ABCA1: variants seen among roughly 807,000 people sequenced by gnomAD.
The protein encoded by ABCA1 is ATP binding cassette subfamily A member 1.
In ABCA1, 133 loss-of-function variants were observed where a neutral mutation model predicts 262.5. The ratio of observed to expected loss-of-function variants is 0.51; its 90% CI spans 0.44 to 0.59. The LOEUF is 0.59. Ranked by LOEUF, ABCA1 falls within the 20% of genes least tolerant of loss-of-function variation. ABCA1 has a pLI of 0.00. For missense variants in ABCA1, 2,452 were observed against 2,777.5 expected (o/e 0.88, Z 2.63); for synonymous variants, 1,022 against 1,043.5 (o/e 0.98, Z 0.40).
chr9:104,825,493 A>G, intron 17 of ABCA1, 190 bp downstream of exon 17: 1 of 663,922 alleles, frequency 1.5e-6, no homozygotes, highest in Non-Finnish European at 2.7e-6. Flanking sequence ...GTTTTCAAGA[A>G]ACAAGTGCTG....
At chr9:104,906,806 A>G (rs1421215771) in intron 1 of ABCA1, among the ~76,000 whole-genome samples, 1 of 152,012 alleles carries the variant, frequency 6.6e-6, no homozygotes, top group Non-Finnish European at 1.5e-5. Context: ...AGATTTCTCA[A>G]TGTTTCAAAT....
At chr9:104,786,265 TAGGCAC>T in intron 48 of ABCA1, 27 bp downstream of exon 48, 1 of 1,523,280 alleles carries the variant, frequency 6.6e-7, no homozygotes, top group South Asian at 1.1e-5. Context: ...GCCTTCTCAC[TAGGCAC>T]TATCCCAAAG....
chr9:104,884,416 C>A lies in ABCA1; in HGVS notation c.302+11G>T. On this transcript the variant is annotated intron_variant, in intron 4 of 49. Transcript: ENST00000374736. Reference sequence around the variant, plus strand: ...GACAAGTTTGGAAAGAAAACCTGATCTGATACTTACATGGATTTGTTAAAG... The same window carrying A: ...GACAAGTTTGGAAAGAAAACCTGATATGATACTTACATGGATTTGTTAAAG... The A allele has an allele frequency of 6.2e-7, 1 of 1,614,168 alleles. No individual in the cohort carries two copies. The highest frequency in any genetic ancestry group is 8.5e-7 in the Non-Finnish European group (1 of 1,180,016).
At chr9:104,831,507 G>T in intron 13 of ABCA1, 115 bp downstream of exon 13, 3 of 879,364 alleles carry the variant, frequency 3.4e-6, no homozygotes, top group Non-Finnish European at 5.1e-6. Flanking sequence ...GAGTTTTTTT[G>T]TTGTTGTTGA....
At chr9:104,837,135 AGG>A in intron 10 of ABCA1, 39 bp from the exon 11 acceptor site, 1 of 1,482,596 alleles carries the variant, frequency 6.7e-7, no homozygotes, top group Non-Finnish European at 9.2e-7. Flanking sequence ...CAGAAAAAGG[AGG>A]AGAAGCACAG....
intron 5 of ABCA1, among the ~76,000 whole-genome samples, chr9:104,864,278 C>T (rs1336074631): frequency 6.6e-6 from 1 of 152,014 alleles, no homozygotes; most frequent in Non-Finnish European, 1.5e-5. Context: ...CAGGAAGAGC[C>T]CAGGGATGTC....
chr9:104,883,277 G>T, intron 4 of ABCA1, 120 bp from the exon 5 acceptor site: 1 of 848,332 alleles, frequency 1.2e-6, no homozygotes, highest in Non-Finnish European at 2.0e-6. Context: ...CCACAGGCTG[G>T]CCCTAACCCA....
At chr9:104,908,314 T>C (rs1841294117) in intron 1 of ABCA1, among the ~76,000 whole-genome samples, 2 of 152,208 alleles carry the variant, frequency 1.3e-5, no homozygotes, top group South Asian at 2.1e-4. Context: ...AGAAGCCTTA[T>C]ACAGAATAGC....
intron 2 of ABCA1, among the ~76,000 whole-genome samples, chr9:104,902,534 T>C (rs3758294): frequency 0.27 from 41,157 of 152,112 alleles, 6,398 homozygotes; most frequent in East Asian, 0.51. Flanking sequence ...ATGGTATTGA[T>C]TTTGCAATTT....
In ABCA1 at chr9:104,818,889, A is replaced by G. The variant is rs1361664773; in HGVS notation, c.3242-6T>C. The G allele has an allele frequency of 2.5e-6, 4 of 1,609,556 alleles. No individual in the cohort carries two copies. The highest frequency in any genetic ancestry group is 3.4e-6 in the Non-Finnish European group (4 of 1,177,822). ...AGAGAGAATAATGGTGCGGCCTGCC[A>G]GGCACAAACACAAGGATGTGGGACA... On this transcript the variant is annotated splice_polypyrimidine_tract_variant and splice_region_variant and intron_variant, in intron 22 of 49. Transcript: ENST00000374736.
At position 104,802,178 on chromosome 9, in the gene ABCA1, A is replaced by G; in HGVS notation, c.4593-19T>C. On this transcript the variant is annotated intron_variant, in intron 33 of 49. Coordinates refer to ENST00000374736, the MANE Select transcript of ABCA1 (RefSeq NM_005502.4). ...GCCATACCTAAAAGAACAGCCTGAC[A>G]TTAAAACCCAGACAGTGGGGTGCAC... 6.2e-7 allele frequency: 1 copy of G among 1,607,362 alleles called. No individual in the cohort carries two copies. The highest frequency in any genetic ancestry group is 8.5e-7 in the Non-Finnish European group (1 of 1,173,792).
Position 104,851,833 on chromosome 9 carries a change from T to A in ABCA1, c.721-6264A>T, listed in dbSNP as rs73663570. 9.0e-3 allele frequency among the ~76,000 whole-genome samples: 1,364 copies of A among 152,356 alleles called. 28 individuals are homozygous for A. The highest frequency in any genetic ancestry group is 0.031 in the African/African-American group (1,277 of 41,574). ...TTACTAAATGAATGAATGCATTTGT[T>A]AATCCATTATCACTACACGAAATGA... On this transcript the variant is annotated intron_variant, in intron 7 of 49. Transcript: ENST00000374736.
At chr9:104,812,414 C>T (rs773075344) in intron 28 of ABCA1, among the ~76,000 whole-genome samples, 160 bp downstream of exon 28, 2 of 152,128 alleles carry the variant, frequency 1.3e-5, no homozygotes, top group African/African-American at 2.4e-5. Context: ...AACTTGCCAG[C>T]GGATACACAA....
chr9:104,919,319 A>T (rs1361203274), intron 1 of ABCA1, among the ~76,000 whole-genome samples: 1 of 152,180 alleles, frequency 6.6e-6, no homozygotes, highest in Non-Finnish European at 1.5e-5. Flanking sequence ...CATTATAAGA[A>T]GTAAAACTTA....
At chr9:104,918,242 G>A (rs1841953697) in intron 1 of ABCA1, among the ~76,000 whole-genome samples, 1 of 152,132 alleles carries the variant, frequency 6.6e-6, no homozygotes, top group Admixed American at 6.5e-5. Flanking sequence ...ACAATGAGGA[G>A]CCAAACAATG....
chr9:104,824,625 A>G lies in ABCA1; in HGVS notation c.2543-47T>C, dbSNP rs1465274344. 16 of 1,606,052 alleles carry G rather than the reference A, an allele frequency of 1.0e-5. 1 individual carries two copies. The African/African-American group carries it at 1.7e-4, about 17-fold the overall frequency. ...GAGCCAAGCTCAGCATCATCCCAGT[A>G]TTCTGAGGGTTTCCCAGCCAGGTCC... On this transcript the variant is annotated intron_variant, in intron 17 of 49. Coordinates refer to ENST00000374736, the MANE Select transcript of ABCA1 (RefSeq NM_005502.4).
intron 2 of ABCA1, among the ~76,000 whole-genome samples, chr9:104,898,615 T>C (rs1255843249): frequency 3.3e-5 from 5 of 151,936 alleles, no homozygotes; most frequent in East Asian, 3.9e-4. Context: ...TAAATTCTCC[T>C]TCCCCAGGAG....
intron 2 of ABCA1, among the ~76,000 whole-genome samples, chr9:104,903,234 C>T (rs1840813113): frequency 6.6e-6 from 1 of 152,130 alleles, no homozygotes. Flanking sequence ...GGGCCACTAA[C>T]TCACTTCACC....
rs73506109 is a variant in ABCA1 at position 104,902,194 on chromosome 9, A to T, written c.66+1420T>A. On this transcript the variant is annotated intron_variant, in intron 2 of 49. Transcript: ENST00000374736. The stretch of plus-strand genomic sequence containing the variant: ...TTTGTTTTCATTTCAACAGTCATCT[A>T]AACAAAGTCTAATAAACACATATGG... Among the ~76,000 whole-genome samples, 1,345 of 152,328 alleles carry T rather than the reference A, an allele frequency of 8.8e-3. 22 individuals carry two copies. Among genetic ancestry groups the T allele is most frequent in the African/African-American group, 0.031 (1,276 of 41,568 alleles).
Sources: allele counts gnomAD v4.1 joint callset (sites outside exome capture counted in the v4.1 genomes callset), GRCh38; gene constraint gnomAD v4.1.1; transcripts MANE v1.5; gene names NCBI Gene and HGNC (gene_info 2026-07-23, HGNC 2026-07-21).